The following PLEKHA7 variants were observed in gnomAD, a reference collection of about 807,000 sequenced individuals.
PLEKHA7 encodes pleckstrin homology domain containing A7.
A neutral mutation model predicts 170.0 loss-of-function variants in PLEKHA7; 104 were observed. The observed-to-expected ratio is 0.61, with a 90% confidence interval of 0.52 to 0.72. The LOEUF (loss-of-function observed/expected upper bound fraction) is 0.72. Ranked by LOEUF, PLEKHA7 falls within the 30% of genes least tolerant of loss-of-function variation. The probability of loss-of-function intolerance (pLI) is 0.00; values close to 1 mark genes in which losing one functional copy is unlikely to be tolerated. For synonymous variants in PLEKHA7, 648 were observed against 660.8 expected (o/e 0.98, Z 0.30); for missense variants, 1,615 against 1,671.7 (o/e 0.97, Z 0.59).
At chr11:16,819,251 C>A (rs187208695) in intron 10 of PLEKHA7, among the ~76,000 whole-genome samples, 2 of 152,330 alleles carry the variant, frequency 1.3e-5, no homozygotes, top group Admixed American at 6.5e-5. Flanking sequence ...GTGTGCACCA[C>A]CACGCCTGGC....
At chr11:16,938,524 T>G (rs1860467361) in intron 3 of PLEKHA7, among the ~76,000 whole-genome samples, 1 of 152,140 alleles carries the variant, frequency 6.6e-6, no homozygotes, top group Admixed American at 6.5e-5. Context: ...TCTCTTTTAA[T>G]AAAGAAAATT....
chr11:16,926,787 G>C (rs1859579578), intron 3 of PLEKHA7, among the ~76,000 whole-genome samples: 1 of 152,198 alleles, frequency 6.6e-6, no homozygotes, highest in Non-Finnish European at 1.5e-5. Context: ...TATCCAGGTG[G>C]GGCATAGGGT....
intron 3 of PLEKHA7, among the ~76,000 whole-genome samples, chr11:16,992,418 G>A (rs1864101208): frequency 6.6e-6 from 1 of 152,184 alleles, no homozygotes; most frequent in South Asian, 2.1e-4. Context: ...GGGTAAACAA[G>A]AATCATAATA....
intron 3 of PLEKHA7, among the ~76,000 whole-genome samples, chr11:16,877,527 C>A (rs1411213041): frequency 2.0e-5 from 3 of 152,196 alleles, no homozygotes; most frequent in Non-Finnish European, 4.4e-5. Context: ...AAAGCATCAT[C>A]ATTAATGTGG....
chr11:16,828,125 C>A (rs756135939), intron 9 of PLEKHA7, among the ~76,000 whole-genome samples: 12 of 152,170 alleles, frequency 7.9e-5, no homozygotes, highest in Non-Finnish European at 1.8e-4. Flanking sequence ...TTGCCTTTAA[C>A]TTAGGCAGAG....
chr11:16,984,367 T>C (rs1863606890), intron 3 of PLEKHA7, among the ~76,000 whole-genome samples: 1 of 152,232 alleles, frequency 6.6e-6, no homozygotes, highest in Non-Finnish European at 1.5e-5. Context: ...AGTCAGATCA[T>C]GCCACTCCTC....
At chr11:16,918,547 G>A (rs551217980) in intron 3 of PLEKHA7, among the ~76,000 whole-genome samples, 11 of 152,296 alleles carry the variant, frequency 7.2e-5, no homozygotes, top group East Asian at 3.9e-4. Context: ...CAATGAGCCC[G>A]TTGATACTGA....
chr11:16,811,286 G>A (rs1849352224), intron 13 of PLEKHA7, among the ~76,000 whole-genome samples: 1 of 152,138 alleles, frequency 6.6e-6, no homozygotes, highest in Non-Finnish European at 1.5e-5. Flanking sequence ...TAAACACTCT[G>A]GTATACCTGT....
chr11:16,817,445 A>G lies in PLEKHA7; in HGVS notation c.1344-123T>C. 1.0e-6 allele frequency: 1 copy of G among 988,110 alleles called. No individual in the cohort carries two copies. Among genetic ancestry groups the G allele is most frequent in the South Asian group, 2.1e-5 (1 of 48,010 alleles). The allele number at this position is 988,110 out of a possible 1,614,324, so 61.2% of individuals were successfully genotyped here. Reference sequence around the variant, plus strand: ...GACAGTCCTGTAAGAACCTCAAAAGAATGATCAAGGCCGACATCCAGGACT... The same window carrying G: ...GACAGTCCTGTAAGAACCTCAAAAGGATGATCAAGGCCGACATCCAGGACT... On this transcript the variant is annotated intron_variant, in intron 10 of 26. Transcript: ENST00000531066. This position sits in a 1 kb window ranked among gnomAD's most constrained non-coding sequence, Gnocchi z 4.4.
Position 16,801,731 on chromosome 11 carries a change from G to C in PLEKHA7, c.2244C>G (p.Tyr748Ter). The part of the protein sequence containing the change: ...DQPQHLEKIA[Y>*]QQKLLQEDLV... ...GGTCCTCCTGCAGCAACTTCTGCTG[G>C]TAGGCAATCTTCTCCAAGTGCTGGG... The change falls in exon 16 of 27, where the codon TAC (tyrosine) becomes TAG (stop). Residue 748 changes from tyrosine to a stop codon, truncating the protein, a stop_gained. Transcript: ENST00000531066. LOFTEE classifies it high-confidence loss of function. The C allele has an allele frequency of 6.2e-7, 1 of 1,614,144 alleles. No individual in the cohort carries two copies. The highest frequency in any genetic ancestry group is 1.1e-5 in the South Asian group (1 of 91,082).
chr11:17,001,549 T>C (rs1466618270), intron 3 of PLEKHA7, among the ~76,000 whole-genome samples: 2 of 152,214 alleles, frequency 1.3e-5, no homozygotes, highest in African/African-American at 4.8e-5. Context: ...CAGGAAGCTG[T>C]GCAGCCAGTG....
chr11:16,915,446 T>C (rs1223748043), intron 3 of PLEKHA7, among the ~76,000 whole-genome samples: 4 of 152,058 alleles, frequency 2.6e-5, no homozygotes, highest in African/African-American at 9.7e-5. Context: ...TGTGCCATGC[T>C]GGTGCGCTGC....
rs576520500 is a variant in PLEKHA7 at position 16,870,649 on chromosome 11, A to G, written c.305+450T>C. 7.2e-5 allele frequency among the ~76,000 whole-genome samples: 11 copies of G among 151,778 alleles called. No homozygotes were observed. In the East Asian group the frequency reaches 1.7e-3, roughly 24 times the overall value. On this transcript the variant is annotated intron_variant, in intron 4 of 26. Transcript: ENST00000531066. The stretch of plus-strand genomic sequence containing the variant: ...ACAAAAAGACCCTGCCTCAAAAAAA[A>G]AAAAAAAAAAAAGATATGGGGTCTT...
rs1394098565 is a variant in PLEKHA7, at chr11:16,942,289, C to T, written c.222-71107G>A. Among the ~76,000 whole-genome samples the T allele has an allele frequency of 7.9e-5, 12 of 152,208 alleles. No individual in the cohort carries two copies. In the East Asian group the frequency reaches 1.3e-3, roughly 17 times the overall value. ...AGAAAGACTTGAGGCCTGCAGGAGA[C>T]GCCCTGAAGGCCATGTCAACAGCTA... On this transcript the variant is annotated intron_variant, in intron 3 of 26. Transcript: ENST00000531066.
intron 26 of PLEKHA7, chr11:16,781,100 G>A (rs1286834969): frequency 1.3e-6 from 1 of 773,198 alleles, no homozygotes. Context: ...CTCCTCATCA[G>A]CTCCTGCAGC....
intron 3 of PLEKHA7, among the ~76,000 whole-genome samples, chr11:17,002,100 T>A (rs1459506230): frequency 1.3e-5 from 2 of 152,152 alleles, no homozygotes; most frequent in African/African-American, 2.4e-5. Context: ...TGGCTCACAG[T>A]TCTGTGTGGG....
At position 17,010,163 on chromosome 11, in the gene PLEKHA7, G is replaced by T. The variant is rs997715224; in HGVS notation, c.221+3826C>A. On this transcript the variant is annotated intron_variant, in intron 3 of 26. Coordinates refer to ENST00000531066, the MANE Select transcript of PLEKHA7 (RefSeq NM_001329630.2). ...AGCACTTTGGGAGGCTGAGGCAGGC[G>T]GATCACTTCAGGTCAGGAGTTTGAG... Among the ~76,000 whole-genome samples the T allele has an allele frequency of 2.0e-5, 3 of 152,054 alleles. No individual in the cohort carries two copies. The South Asian group carries it at 6.2e-4, about 32-fold the overall frequency.
chr11:16,899,628 G>A (rs934165886), intron 3 of PLEKHA7, among the ~76,000 whole-genome samples: 2 of 152,204 alleles, frequency 1.3e-5, no homozygotes, highest in Non-Finnish European at 2.9e-5. Context: ...CTGGGAAAGG[G>A]AAAGCAAACA....
intron 4 of PLEKHA7, among the ~76,000 whole-genome samples, chr11:16,866,579 T>C (rs1297327382): frequency 6.6e-6 from 1 of 151,974 alleles, no homozygotes; most frequent in Non-Finnish European, 1.5e-5. Context: ...GCAACAAGAA[T>C]GAAACTCTGT....
Sources: allele counts gnomAD v4.1 joint callset (sites outside exome capture counted in the v4.1 genomes callset), GRCh38; gene constraint gnomAD v4.1.1; non-coding constraint Gnocchi (gnomAD v3.1); transcripts MANE v1.5; gene names NCBI Gene and HGNC (gene_info 2026-07-23, HGNC 2026-07-21).